Variants in LCP2 observed in about 807,000 individuals in gnomAD.
The protein encoded by LCP2 is lymphocyte cytosolic protein 2.
Under a neutral mutation model 74.5 loss-of-function variants are expected in LCP2, and 29 were observed. The ratio of observed to expected loss-of-function variants is 0.39; its 90% CI spans 0.29 to 0.53. The LOEUF (loss-of-function observed/expected upper bound fraction) is 0.53, where lower values mean the gene tolerates loss of function less well. LCP2 is among the 20% of genes least tolerant of loss of function. The probability of loss-of-function intolerance (pLI) is 0.72; values close to 1 mark genes in which losing one functional copy is unlikely to be tolerated. For synonymous variants in LCP2, 228 were observed against 229.5 expected, an observed-to-expected ratio of 0.99 and a Z score of 0.06; for missense variants, 604 against 634.6, an observed-to-expected ratio of 0.95 and a Z score of 0.52.
rs536346482 is a variant in LCP2, at chr5:170,296,321, G to T, written c.78+1213C>A. On this transcript the variant is annotated intron_variant, in intron 1 of 20. Coordinates refer to ENST00000046794, the MANE Select transcript of LCP2 (RefSeq NM_005565.5). Reference sequence around the variant, plus strand: ...AAATATGGCAAAAAACAGGATCTGTGAACTGTACCCCTACCATACCACACC... The same window carrying T: ...AAATATGGCAAAAAACAGGATCTGTTAACTGTACCCCTACCATACCACACC... Among the ~76,000 whole-genome samples, 11 of 152,296 alleles carry T rather than the reference G, an allele frequency of 7.2e-5. No homozygotes were observed. In the South Asian group the frequency reaches 2.3e-3, roughly 32 times the overall value.
chr5:170,265,696 G>C (rs1342353535), intron 10 of LCP2, among the ~76,000 whole-genome samples: 1 of 152,224 alleles, frequency 6.6e-6, no homozygotes, highest in African/African-American at 2.4e-5. Flanking sequence ...TTCGGGGAAA[G>C]AGCAGCGAGC....
At position 170,250,736 on chromosome 5, in the gene LCP2, C is replaced by T; in HGVS notation, c.1473G>A (p.Gly491=). The change falls in exon 20 of 21, where the codon GGG becomes GGA. Residue 491 remains glycine (G), a synonymous_variant. Transcript: ENST00000046794. ...CGAAATTTGAAATCCTTACCTCTTT[C>T]CCTCGGAGTCCAGTTCCCAACAAGT... is the stretch of plus-strand genomic sequence containing the variant. ...QVYLLGTGLR[G]KEDFLSVSDI... The T allele has an allele frequency of 6.2e-7, 1 of 1,612,918 alleles. No individual in the cohort carries two copies. Among genetic ancestry groups the T allele is most frequent in the Non-Finnish European group, 8.5e-7 (1 of 1,178,904 alleles).
At chr5:170,276,842 T>C (rs1472831698) in intron 3 of LCP2, among the ~76,000 whole-genome samples, 3 of 151,870 alleles carry the variant, frequency 2.0e-5, no homozygotes, top group Non-Finnish European at 4.4e-5. Context: ...ACAGAGGAGA[T>C]GGCAGATGGC....
intron 6 of LCP2, chr5:170,273,929 A>AG (rs1761940212): frequency 1.1e-5 from 2 of 178,812 alleles, no homozygotes; most frequent in African/African-American, 5.7e-5. Flanking sequence ...ACGGGGGGGT[A>AG]GTGGGTGGGG....
chr5:170,289,671 T>TTCTCTCTCTC (rs1362284640), intron 2 of LCP2, among the ~76,000 whole-genome samples: 4 of 84,052 alleles, frequency 4.8e-5, no homozygotes, highest in East Asian at 2.4e-4. Context: ...CTTTCTTTCT[T>TTCTCTCTCTC]TCTCTCTCTC....
intron 2 of LCP2, among the ~76,000 whole-genome samples, chr5:170,292,506 G>T (rs558627220): frequency 6.6e-6 from 1 of 152,162 alleles, no homozygotes; most frequent in African/African-American, 2.4e-5. Flanking sequence ...TCATGGTCAA[G>T]TTCCCTTACT....
chr5:170,270,251 C>G (rs1476750119), intron 7 of LCP2, among the ~76,000 whole-genome samples: 4 of 152,198 alleles, frequency 2.6e-5, no homozygotes, highest in African/African-American at 4.8e-5. Flanking sequence ...TAAACACCAT[C>G]TAATATTTTT....
intron 13 of LCP2, among the ~76,000 whole-genome samples, chr5:170,261,411 A>G (rs200602900): frequency 2.4e-5 from 3 of 125,212 alleles, no homozygotes; most frequent in African/African-American, 5.5e-5. Context: ...GTGTGTGTAT[A>G]TATATATATA....
chr5:170,292,854 G>C (rs1418410728), intron 2 of LCP2, among the ~76,000 whole-genome samples: 1 of 152,208 alleles, frequency 6.6e-6, no homozygotes, highest in African/African-American at 2.4e-5. Context: ...AGTGGAGACA[G>C]CCATATCACA....
At chr5:170,270,638 T>G (rs1007650440) in intron 7 of LCP2, 81 bp downstream of exon 7, 3 of 1,292,908 alleles carry the variant, frequency 2.3e-6, no homozygotes, top group Admixed American at 2.6e-5. Context: ...ATGGGCAAGC[T>G]GGGGCATCAG....
At chr5:170,267,982 G>T (rs1046614190) in intron 8 of LCP2, among the ~76,000 whole-genome samples, 14 of 152,104 alleles carry the variant, frequency 9.2e-5, no homozygotes, top group Admixed American at 9.2e-4. Context: ...GGAGAAAACG[G>T]GGTTTGCTAC....
rs780170990 is a variant in LCP2, at chr5:170,248,696, G to A, written c.*1C>T. 1 of 1,611,832 alleles carries A rather than the reference G, an allele frequency of 6.2e-7. No homozygotes were observed. The highest frequency in any genetic ancestry group is 1.7e-4 in the Middle Eastern group (1 of 6,056). On this transcript the variant is annotated 3_prime_UTR_variant, in exon 21 of 21. Coordinates refer to ENST00000046794, the MANE Select transcript of LCP2 (RefSeq NM_005565.5). ...CGGTTCATTTGCTCGGCTATAACTT[G>A]CTATGGGTACCCTGCAGCATGCGTT...
At chr5:170,265,202 T>C (rs1284674809) in intron 10 of LCP2, among the ~76,000 whole-genome samples, 1 of 152,052 alleles carries the variant, frequency 6.6e-6, no homozygotes, top group East Asian at 1.9e-4. Flanking sequence ...TTAGCCAGGA[T>C]GGTCTCCATC....
chr5:170,274,245 C>G (rs1321740405), intron 6 of LCP2, 56 bp downstream of exon 6: 2 of 1,583,544 alleles, frequency 1.3e-6, no homozygotes, highest in Non-Finnish European at 1.7e-6. Flanking sequence ...CTCCTTATCA[C>G]AAAGCTGCCC....
intron 2 of LCP2, among the ~76,000 whole-genome samples, chr5:170,289,725 T>G (rs1292903970): frequency 6.9e-6 from 1 of 145,868 alleles, no homozygotes. Context: ...TTCCTTTCCT[T>G]TCCTTTCCTG....
chr5:170,256,167 G>A lies in LCP2; in HGVS notation c.1150+359C>T, dbSNP rs1042747784. On this transcript the variant is annotated intron_variant, in intron 17 of 20. Coordinates refer to ENST00000046794, the MANE Select transcript of LCP2 (RefSeq NM_005565.5). This position sits in a 1 kb window ranked among gnomAD's most constrained non-coding sequence, Gnocchi z 4.5. ...AGTGTGTGTAGGTGTGTCCATGTAT[G>A]TATGTGTGTATGCATGTGCATGTGT... Among the ~76,000 whole-genome samples the A allele has an allele frequency of 2.6e-5, 4 of 152,158 alleles. No homozygotes were observed. Among genetic ancestry groups the A allele is most frequent in the Non-Finnish European group, 5.9e-5 (4 of 68,026 alleles).
chr5:170,251,898 AT>A (rs1275287116), intron 19 of LCP2: 5 of 236,886 alleles, frequency 2.1e-5, no homozygotes, highest in Non-Finnish European at 4.5e-5. Context: ...AAGATGAAAG[AT>A]TTTTGCTTTC....
chr5:170,267,289 G>A (rs1761783173), intron 8 of LCP2: 1 of 599,816 alleles, frequency 1.7e-6, no homozygotes, highest in Non-Finnish European at 3.0e-6. Flanking sequence ...AGGCAGCAGA[G>A]TGAGCATGTC....
intron 3 of LCP2, among the ~76,000 whole-genome samples, chr5:170,282,351 C>T (rs941770891): frequency 3.9e-5 from 6 of 152,138 alleles, no homozygotes; most frequent in South Asian, 2.1e-4. Context: ...AAGTATTGAA[C>T]GCCTGTAAGT....
Sources: allele counts gnomAD v4.1 joint callset (sites outside exome capture counted in the v4.1 genomes callset), GRCh38; gene constraint gnomAD v4.1.1; non-coding constraint Gnocchi (gnomAD v3.1); transcripts MANE v1.5; gene names NCBI Gene and HGNC (gene_info 2026-07-23, HGNC 2026-07-21).